KCNH8: variants seen among roughly 807,000 people sequenced by gnomAD.
The protein encoded by KCNH8 is potassium voltage-gated channel subfamily H member 8.
A neutral mutation model predicts 103.6 loss-of-function variants in KCNH8; 70 were observed. The ratio of observed to expected loss-of-function variants is 0.68; its 90% confidence interval spans 0.56 to 0.82. The LOEUF is 0.82. KCNH8 is among the 40% of genes least tolerant of loss of function. The pLI, the probability that KCNH8 is intolerant of heterozygous loss-of-function variation, is 0.00. For synonymous variants in KCNH8, 498 were observed against 489.4 expected (o/e 1.02, Z -0.23); for missense variants, 1,217 against 1,329.9 (o/e 0.92, Z 1.32).
intron 6 of KCNH8, among the ~76,000 whole-genome samples, chr3:19,392,318 C>CAAAAAAAA (rs10662694): frequency 1.6e-5 from 2 of 125,426 alleles, no homozygotes; most frequent in East Asian, 2.4e-4. Flanking sequence ...ACATCTGTGT[C>CAAAAAAAA]AAAAAAAAAA....
intron 1 of KCNH8, among the ~76,000 whole-genome samples, chr3:19,220,589 G>A (rs2063863893): frequency 6.9e-6 from 1 of 145,662 alleles, no homozygotes; most frequent in Non-Finnish European, 1.5e-5. Flanking sequence ...ACATGACACT[G>A]ATTTTTTTTT....
intron 5 of KCNH8, among the ~76,000 whole-genome samples, chr3:19,380,898 AGCAATTTCTACTGATG>A (rs2066279489): frequency 6.6e-6 from 1 of 152,256 alleles, no homozygotes; most frequent in Non-Finnish European, 1.5e-5. Flanking sequence ...CAAAAATATG[AGCAATTTCTACTGATG>A]GCATTCATAA....
At chr3:19,284,062 TATG>T (rs957769040) in intron 3 of KCNH8, among the ~76,000 whole-genome samples, 2 of 152,126 alleles carry the variant, frequency 1.3e-5, no homozygotes, top group African/African-American at 4.8e-5. Flanking sequence ...CACCTTAACA[TATG>T]ATATTTTTAA....
At chr3:19,379,494 C>G (rs2125123431) in intron 5 of KCNH8, among the ~76,000 whole-genome samples, 1 of 152,064 alleles carries the variant, frequency 6.6e-6, no homozygotes, top group South Asian at 2.1e-4. Context: ...CAAAAAATTA[C>G]TCAGGCGTGG....
intron 11 of KCNH8, among the ~76,000 whole-genome samples, chr3:19,497,960 C>G (rs1175733293): frequency 6.6e-6 from 1 of 152,142 alleles, no homozygotes; most frequent in Non-Finnish European, 1.5e-5. Flanking sequence ...GTTAGGTCTT[C>G]TTGTTGAATT....
intron 15 of KCNH8, among the ~76,000 whole-genome samples, chr3:19,524,652 G>C (rs948185896): frequency 6.6e-6 from 1 of 151,870 alleles, no homozygotes; most frequent in Non-Finnish European, 1.5e-5. Context: ...TAAAATGCAT[G>C]TAACTTTTGG....
intron 15 of KCNH8, among the ~76,000 whole-genome samples, chr3:19,522,508 G>A (rs898367806): frequency 4.0e-5 from 6 of 151,722 alleles, no homozygotes; most frequent in Non-Finnish European, 8.8e-5. Flanking sequence ...GATTGGATGA[G>A]GCCCACCCAC....
chr3:19,436,432 G>A (rs150860892), intron 7 of KCNH8, among the ~76,000 whole-genome samples: 17 of 152,274 alleles, frequency 1.1e-4, no homozygotes, highest in East Asian at 3.9e-4. Context: ...TCTTGTTACC[G>A]TGGAACATGT....
chr3:19,327,857 C>T (rs929874313), intron 3 of KCNH8, among the ~76,000 whole-genome samples: 4 of 152,144 alleles, frequency 2.6e-5, no homozygotes, highest in African/African-American at 7.2e-5. Flanking sequence ...TATGTAAGCT[C>T]TTTTACCTCA....
chr3:19,344,482 A>C (rs2065703349), intron 4 of KCNH8, among the ~76,000 whole-genome samples: 1 of 152,114 alleles, frequency 6.6e-6, no homozygotes, highest in South Asian at 2.1e-4. Flanking sequence ...AAATACAAAC[A>C]TCAGAGTAGA....
At chr3:19,416,867 C>G (rs985931746) in intron 7 of KCNH8, among the ~76,000 whole-genome samples, 1 of 152,038 alleles carries the variant, frequency 6.6e-6, no homozygotes, top group Non-Finnish European at 1.5e-5. Context: ...CTTTGTTATT[C>G]CCATAAGCTG....
At chr3:19,203,930 T>C (rs1419217510) in intron 1 of KCNH8, among the ~76,000 whole-genome samples, 1 of 152,120 alleles carries the variant, frequency 6.6e-6, no homozygotes, top group African/African-American at 2.4e-5. Context: ...TATTTTAATG[T>C]TAATGTACTA....
At chr3:19,487,190 G>A (rs1208839861) in intron 11 of KCNH8, among the ~76,000 whole-genome samples, 2 of 152,178 alleles carry the variant, frequency 1.3e-5, no homozygotes, top group Non-Finnish European at 2.9e-5. Flanking sequence ...ACCTGACTCC[G>A]GATCTTCCTA....
chr3:19,156,982 T>A (rs570267522), intron 1 of KCNH8, among the ~76,000 whole-genome samples: 1,663 of 149,850 alleles, frequency 0.011, 20 homozygotes, highest in South Asian at 0.03. Context: ...TTTTTTTTTT[T>A]AAAAAAAAGG....
chr3:19,439,551 T>A (rs1278108221), intron 8 of KCNH8, among the ~76,000 whole-genome samples: 1 of 152,138 alleles, frequency 6.6e-6, no homozygotes, highest in Non-Finnish European at 1.5e-5. Context: ...TCACCCTCCT[T>A]TATTGCAAGT....
chr3:19,503,196 A>C (rs1213393370), intron 11 of KCNH8, among the ~76,000 whole-genome samples: 14 of 151,788 alleles, frequency 9.2e-5, no homozygotes, highest in Non-Finnish European at 1.9e-4. Flanking sequence ...ATCACTGGCC[A>C]TCAGAGAAAT....
intron 1 of KCNH8, among the ~76,000 whole-genome samples, chr3:19,209,041 A>G (rs975000862): frequency 6.6e-6 from 1 of 151,966 alleles, no homozygotes; most frequent in East Asian, 1.9e-4. Flanking sequence ...TCTCCTGTCT[A>G]TATATAGTAT....
intron 1 of KCNH8, among the ~76,000 whole-genome samples, chr3:19,229,498 C>T (rs1305284633): frequency 3.3e-5 from 5 of 152,178 alleles, no homozygotes; most frequent in Non-Finnish European, 7.3e-5. Context: ...CCTCTGAAGC[C>T]AGGGCTTGAG....
chr3:19,261,524 T>C (rs1338963302), intron 2 of KCNH8, among the ~76,000 whole-genome samples: 1 of 151,910 alleles, frequency 6.6e-6, no homozygotes, highest in African/African-American at 2.4e-5. Context: ...GTTTGAAATT[T>C]TTTTTCTCAA....
Sources: allele counts gnomAD v4.1 joint callset (sites outside exome capture counted in the v4.1 genomes callset), GRCh38; gene constraint gnomAD v4.1.1; transcripts MANE v1.5; gene names NCBI Gene and HGNC (gene_info 2026-07-23, HGNC 2026-07-21).